Variants in AMPD1 observed in about 807,000 individuals in gnomAD.
The protein encoded by AMPD1 is adenosine monophosphate deaminase 1.
Under a neutral mutation model 82.9 loss-of-function variants are expected in AMPD1, and 74 were observed. That is an observed-to-expected ratio of 0.89 (90% CI 0.74 to 1.08). The LOEUF is 1.08. Ranked by LOEUF, AMPD1 falls within the 50% of genes least tolerant of loss-of-function variation. The pLI is 0.00. For synonymous variants in AMPD1, 333 were observed against 320.5 expected (o/e 1.04, Z -0.42); for missense variants, 881 against 924.5 (o/e 0.95, Z 0.61).
At chr1:114,686,714 T>C in intron 4 of AMPD1, 31 bp downstream of exon 4, 1 of 1,612,830 alleles carries the variant, frequency 6.2e-7, no homozygotes, top group Non-Finnish European at 8.5e-7. Flanking sequence ...GCTTCCTGGT[T>C]GCTAAGTCTG....
At position 114,679,466 on chromosome 1, in the gene AMPD1, T is replaced by C. The variant is rs201724664; in HGVS notation, c.897+113A>G. 1.8e-5 allele frequency: 26 copies of C among 1,447,208 alleles called. No individual in the cohort carries two copies. In the East Asian group the frequency reaches 5.9e-4, roughly 33 times the overall value. 89.6% of individuals were successfully genotyped at this position (1,447,208 alleles called of 1,614,324 possible). ...ATTATCTGTTTTTACTAAAATCCAC[T>C]GAACCTGTAGAAATCTTAGATTAAT... On this transcript the variant is annotated intron_variant, in intron 7 of 15. Transcript: ENST00000520113.
At chr1:114,676,804 A>G (rs1481709077) in intron 10 of AMPD1, among the ~76,000 whole-genome samples, 2 of 152,210 alleles carry the variant, frequency 1.3e-5, no homozygotes, top group Admixed American at 1.3e-4. Flanking sequence ...TAAAAGATCA[A>G]TGATACTGAA....
At chr1:114,686,258 T>G (rs2268700) in intron 4 of AMPD1, among the ~76,000 whole-genome samples, 67,815 of 151,812 alleles carry the variant, frequency 0.45, 15,655 homozygotes, top group South Asian at 0.53. Context: ...TTTCTCTGGT[T>G]CCTTCTTTTT....
At chr1:114,676,087 A>C in intron 10 of AMPD1, 84 bp from the exon 11 acceptor site, 1 of 1,485,604 alleles carries the variant, frequency 6.7e-7, no homozygotes, top group African/African-American at 1.4e-5. Context: ...AGAGAATCGA[A>C]TGTCATGCAC....
chr1:114,688,451 A>T, intron 3 of AMPD1, 110 bp downstream of exon 3: 1 of 1,293,160 alleles, frequency 7.7e-7, no homozygotes, highest in South Asian at 1.2e-5. Flanking sequence ...ACTCTGGCAG[A>T]GTTCTTCCTC....
chr1:114,680,699 G>A (rs1430488808), intron 5 of AMPD1, among the ~76,000 whole-genome samples: 5 of 152,210 alleles, frequency 3.3e-5, no homozygotes, highest in Non-Finnish European at 5.9e-5. Context: ...AGGCGCAGTG[G>A]CTCGTGCCTG....
At position 114,680,271 on chromosome 1, in the gene AMPD1, G is replaced by A. The variant is rs189357141; in HGVS notation, c.755C>T (p.Ala252Val). Residue 252 changes from alanine to valine, a missense_variant, in exon 6 of 16, where the codon GCT (alanine) becomes GTT (valine). Coordinates refer to ENST00000520113, the MANE Select transcript of AMPD1 (RefSeq NM_000036.3). The stretch of plus-strand genomic sequence containing the variant: ...ACTAAACACTTACACAGGTCCTTGA[G>A]CAATTAAAGCAAGTAAAAAATTCAT... ...DDMNFLLALI[A>V]QGPVKTYTHR... The A allele has an allele frequency of 6.2e-7, 1 of 1,613,686 alleles. No homozygotes were observed. The highest frequency in any genetic ancestry group is 2.2e-5 in the East Asian group (1 of 44,874).
At chr1:114,677,629 C>T (rs578008149) in intron 9 of AMPD1, 115 bp from the exon 10 acceptor site, 1,118 of 1,402,188 alleles carry the variant, frequency 8.0e-4, no homozygotes, top group Non-Finnish European at 9.8e-4. Context: ...AGGCTAGGTC[C>T]TTAATCAATC....
chr1:114,684,181 A>G lies in AMPD1; in HGVS notation c.547+18T>C, dbSNP rs377129691. 20 of 1,612,440 alleles carry G rather than the reference A, an allele frequency of 1.2e-5. No individual in the cohort carries two copies. Among genetic ancestry groups the G allele is most frequent in the Admixed American group, 1.7e-5 (1 of 60,018 alleles). ...TTAAATAAAATATGTTTCATACATT[A>G]TGTAAGAGAATTGTTACCTGGATAG... is the stretch of plus-strand genomic sequence containing the variant. On this transcript the variant is annotated intron_variant, in intron 5 of 15. Transcript: ENST00000520113.
chr1:114,683,045 G>A, intron 5 of AMPD1: 1 of 339,086 alleles, frequency 2.9e-6, no homozygotes, highest in Non-Finnish European at 5.7e-6. Context: ...TAGGAATTAA[G>A]TCAATTATGT....
At chr1:114,677,799 C>CCTTCCT (rs1557969503) in intron 9 of AMPD1, 111 bp downstream of exon 9, 18,630 of 526,818 alleles carry the variant, frequency 0.035, 433 homozygotes, top group Middle Eastern at 0.058. Flanking sequence ...CCCTCTCTCC[C>CCTTCCT]TCCTTCCTTC....
intron 13 of AMPD1, 54 bp downstream of exon 13, chr1:114,674,698 A>T: frequency 6.3e-7 from 1 of 1,590,178 alleles, no homozygotes; most frequent in Non-Finnish European, 8.6e-7. Flanking sequence ...GGTTAAGGGA[A>T]AAAAGATTCC....
At chr1:114,688,816 G>T in intron 2 of AMPD1, 75 bp from the exon 3 acceptor site, 5 of 1,537,216 alleles carry the variant, frequency 3.3e-6, no homozygotes, top group Non-Finnish European at 3.6e-6. Context: ...TATGTGTAAG[G>T]CATGGGACAA....
chr1:114,678,789 C>T lies in AMPD1; in HGVS notation c.898-262G>A, dbSNP rs187048331. 4.7e-3 allele frequency among the ~76,000 whole-genome samples: 708 copies of T among 152,220 alleles called. 1 individual carries two copies. Among genetic ancestry groups the T allele is most frequent in the Non-Finnish European group, 7.8e-3 (530 of 68,010 alleles). On this transcript the variant is annotated intron_variant, in intron 7 of 15. Coordinates refer to ENST00000520113, the MANE Select transcript of AMPD1 (RefSeq NM_000036.3). The stretch of plus-strand genomic sequence containing the variant: ...ATCTGTACATCCAATTTATTTCCTA[C>T]GTCTGATCCACACATTCTTCTGGAC...
chr1:114,675,352 C>T (rs976755523), intron 12 of AMPD1, among the ~76,000 whole-genome samples, 178 bp downstream of exon 12: 4 of 151,958 alleles, frequency 2.6e-5, no homozygotes, highest in African/African-American at 4.8e-5. Context: ...ATCGAAATAC[C>T]GATTTCTGCC....
chr1:114,676,072 G>A, intron 10 of AMPD1, 69 bp from the exon 11 acceptor site: 3 of 1,543,576 alleles, frequency 1.9e-6, no homozygotes, highest in Non-Finnish European at 2.7e-6. Flanking sequence ...CAGTATGAGG[G>A]AACCAGAGAA....
chr1:114,680,207 T>C, intron 6 of AMPD1, 52 bp downstream of exon 6: 1 of 1,488,234 alleles, frequency 6.7e-7, no homozygotes. Flanking sequence ...CTAGTTGTTG[T>C]TTAGGTCTTG....
intron 1 of AMPD1, among the ~76,000 whole-genome samples, chr1:114,694,510 G>A (rs976217921): frequency 1.1e-4 from 16 of 152,150 alleles, no homozygotes; most frequent in African/African-American, 3.9e-4. Flanking sequence ...AAAATGTTAA[G>A]AGTGAATATC....
At chr1:114,679,824 C>G in intron 6 of AMPD1, 116 bp from the exon 7 acceptor site, 1 of 1,273,102 alleles carries the variant, frequency 7.9e-7, no homozygotes, top group Non-Finnish European at 1.1e-6. Flanking sequence ...TTGGAACAAA[C>G]CTTTTAGTTT....
Sources: gnomAD v4.1 joint callset for allele counts (sites outside exome capture counted in the v4.1 genomes callset) on GRCh38, gnomAD v4.1.1 for gene constraint, MANE v1.5 for transcripts, NCBI Gene and HGNC (gene_info 2026-07-23, HGNC 2026-07-21) for gene names.